The following RFTN2 variants were observed in gnomAD, a reference collection of about 807,000 sequenced individuals.
The protein encoded by RFTN2 is raftlin family member 2.
A neutral mutation model predicts 52.7 loss-of-function variants in RFTN2; 34 were observed. That is an observed-to-expected ratio of 0.64 (90% CI 0.49 to 0.86). RFTN2 has a LOEUF of 0.86. Ranked by LOEUF, RFTN2 falls within the 40% of genes least tolerant of loss-of-function variation. RFTN2 has a pLI of 0.00. For synonymous variants in RFTN2, 203 were observed against 217.7 expected, an observed-to-expected ratio of 0.93 and a Z score of 0.59; for missense variants, 536 against 600.1, an observed-to-expected ratio of 0.89 and a Z score of 1.12.
intron 7 of RFTN2, among the ~76,000 whole-genome samples, chr2:197,607,113 A>G (rs1476397446): frequency 6.6e-6 from 1 of 152,180 alleles, no homozygotes; most frequent in Non-Finnish European, 1.5e-5. Flanking sequence ...GGATTAAGAA[A>G]ATGTGGCACA....
intron 7 of RFTN2, among the ~76,000 whole-genome samples, chr2:197,611,182 G>C (rs766399272): frequency 6.6e-6 from 1 of 152,202 alleles, no homozygotes; most frequent in Non-Finnish European, 1.5e-5. Flanking sequence ...ATTTCAGAAG[G>C]AATGGTACCA....
chr2:197,637,769 G>T (rs1404817159), intron 3 of RFTN2, among the ~76,000 whole-genome samples: 1 of 150,188 alleles, frequency 6.7e-6, no homozygotes, highest in Non-Finnish European at 1.5e-5. Context: ...GTTATTTCTT[G>T]CCTTCTGCTA....
chr2:197,661,817 G>T (rs773996096), intron 1 of RFTN2, among the ~76,000 whole-genome samples: 7 of 151,912 alleles, frequency 4.6e-5, no homozygotes, highest in Non-Finnish European at 1.0e-4. Flanking sequence ...TTTTGTCTTT[G>T]TAGTAACAGC....
In RFTN2 at chr2:197,627,089, T is replaced by C. The variant is rs2088376787; in HGVS notation, c.928+3922A>G. ...TGGCTGCTGCCTACCTCTTCCATTG[T>C]GTCCAGAGCCATACTGTTGCTTGCC... is the stretch of plus-strand genomic sequence containing the variant. On this transcript the variant is annotated intron_variant, in intron 5 of 8. Coordinates refer to ENST00000295049, the MANE Select transcript of RFTN2 (RefSeq NM_144629.3). Among the ~76,000 whole-genome samples the C allele has an allele frequency of 2.6e-5, 4 of 152,368 alleles. No individual in the cohort carries two copies. The Middle Eastern group carries it at 0.01, about 389-fold the overall frequency.
At chr2:197,615,701 A>C (rs1013680529) in intron 7 of RFTN2, among the ~76,000 whole-genome samples, 175 bp downstream of exon 7, 5 of 152,190 alleles carry the variant, frequency 3.3e-5, no homozygotes, top group African/African-American at 1.2e-4. Flanking sequence ...CAGCTTATAC[A>C]TCTATAATGC....
intron 1 of RFTN2, among the ~76,000 whole-genome samples, chr2:197,672,256 G>A (rs986301528): frequency 9.2e-5 from 14 of 152,152 alleles, no homozygotes; most frequent in African/African-American, 3.4e-4. Context: ...GGGGCTATGT[G>A]TTTTATTTCT....
chr2:197,635,150 G>T (rs2088544106), intron 3 of RFTN2, among the ~76,000 whole-genome samples: 1 of 151,996 alleles, frequency 6.6e-6, no homozygotes, highest in Admixed American at 6.6e-5. Context: ...TGGACATTTG[G>T]GTTGGTTCCA....
At chr2:197,670,427 C>A (rs1193805232) in intron 1 of RFTN2, among the ~76,000 whole-genome samples, 1 of 152,160 alleles carries the variant, frequency 6.6e-6, no homozygotes, top group Non-Finnish European at 1.5e-5. Context: ...TAATGCCAAA[C>A]AATTTTTTCC....
chr2:197,661,933 T>C (rs2088982547), intron 1 of RFTN2, among the ~76,000 whole-genome samples: 2 of 152,256 alleles, frequency 1.3e-5, no homozygotes, highest in South Asian at 4.1e-4. Flanking sequence ...GCCATTTGTA[T>C]GTCTTCTCTT....
upstream of RFTN2, chr2:197,675,587 C>CAAA: frequency 6.3e-5 from 1 of 15,766 alleles, no homozygotes; most frequent in Non-Finnish European, 1.4e-4. Context: ...CTATAGATAA[C>CAAA]CAAAAAAAAA....
intron 3 of RFTN2, among the ~76,000 whole-genome samples, chr2:197,635,495 G>A (rs1322415895): frequency 6.6e-6 from 1 of 152,074 alleles, no homozygotes; most frequent in Non-Finnish European, 1.5e-5. Context: ...CAGTGATGAT[G>A]AGCATTTTTT....
chr2:197,620,408 C>G (rs1413805652), intron 5 of RFTN2, among the ~76,000 whole-genome samples: 2 of 152,162 alleles, frequency 1.3e-5, no homozygotes, highest in African/African-American at 4.8e-5. Context: ...GCTGCTTAAA[C>G]ATTTCGGTTT....
intron 7 of RFTN2, among the ~76,000 whole-genome samples, chr2:197,613,282 T>C (rs2088093276): frequency 6.6e-6 from 1 of 152,246 alleles, no homozygotes; most frequent in Non-Finnish European, 1.5e-5. Flanking sequence ...GCCCAGGCCC[T>C]GTATAGGTAC....
intron 1 of RFTN2, among the ~76,000 whole-genome samples, chr2:197,652,966 A>G (rs2106258797): frequency 6.6e-6 from 1 of 152,316 alleles, no homozygotes; most frequent in East Asian, 1.9e-4. Flanking sequence ...GAAAAAAATT[A>G]CCTCCAAAGG....
Position 197,572,065 on chromosome 2 carries a change from T to A in RFTN2, c.1449A>T (p.Glu483Asp). 1 of 1,614,230 alleles carries A rather than the reference T, an allele frequency of 6.2e-7. No homozygotes were observed. Among genetic ancestry groups the A allele is most frequent in the Non-Finnish European group, 8.5e-7 (1 of 1,180,026 alleles). ...GFSSSDNVLRELDDGQFDQED... is the reference protein window; with the variant it reads ...GFSSSDNVLRDLDDGQFDQED... ...CCTGATCAAACTGTCCGTCGTCTAA[T>A]TCCCGGAGGACGTTGTCACTGCTGC... The change falls in exon 9 of 9, where the codon GAA (glutamate) becomes GAT (aspartate). Residue 483 changes from glutamate to aspartate, a missense_variant. Glu to Asp is a conservative substitution (Grantham distance 45). Coordinates refer to ENST00000295049, the MANE Select transcript of RFTN2 (RefSeq NM_144629.3).
At chr2:197,608,623 CTTTTT>C (rs57681105) in intron 7 of RFTN2, among the ~76,000 whole-genome samples, 2 of 99,514 alleles carry the variant, frequency 2.0e-5, no homozygotes, top group South Asian at 3.4e-4. Flanking sequence ...TGGGACCAGA[CTTTTT>C]TTTTTTTTTT....
chr2:197,630,982 A>G (rs373926871), intron 5 of RFTN2, 29 bp downstream of exon 5: 44 of 1,419,000 alleles, frequency 3.1e-5, no homozygotes, highest in Non-Finnish European at 4.1e-5. Context: ...AATTCCTCAG[A>G]TATAAAATAT....
intron 7 of RFTN2, among the ~76,000 whole-genome samples, chr2:197,614,761 G>A (rs768539944): frequency 2.0e-5 from 3 of 152,146 alleles, no homozygotes; most frequent in African/African-American, 4.8e-5. Flanking sequence ...GGTTGAGGGC[G>A]GGGGTGTCAT....
At chr2:197,652,730 T>C (rs978440973) in intron 1 of RFTN2, among the ~76,000 whole-genome samples, 1 of 152,208 alleles carries the variant, frequency 6.6e-6, no homozygotes, top group South Asian at 2.1e-4. Context: ...ATGGTGTATA[T>C]ATTAGCTAAG....
Sources: gnomAD v4.1 joint callset for allele counts (sites outside exome capture counted in the v4.1 genomes callset) on GRCh38, gnomAD v4.1.1 for gene constraint, MANE v1.5 for transcripts, NCBI Gene and HGNC (gene_info 2026-07-23, HGNC 2026-07-21) for gene names.